UBR3: variants seen among roughly 807,000 people sequenced by gnomAD.
The protein encoded by UBR3 is ubiquitin protein ligase E3 component n-recognin 3.
In UBR3, 85 loss-of-function variants were observed where a neutral mutation model predicts 243.2. The observed-to-expected ratio is 0.35, with a 90% CI of 0.29 to 0.42. UBR3 has a LOEUF of 0.42. UBR3 is among the 10% of genes least tolerant of loss of function. The pLI is 1.00. For synonymous variants in UBR3, 748 were observed against 799.8 expected (o/e 0.94, Z 1.09); for missense variants, 1,686 against 2,300.8 (o/e 0.73, Z 5.47).
chr2:169,934,006 T>G (rs2105351189), intron 19 of UBR3, among the ~76,000 whole-genome samples: 1 of 152,360 alleles, frequency 6.6e-6, no homozygotes, highest in Non-Finnish European at 1.5e-5. Flanking sequence ...CCTCTTTTTC[T>G]GCTTTTCATA....
At chr2:169,899,261 T>C (rs2084718851) in intron 8 of UBR3, among the ~76,000 whole-genome samples, 1 of 152,194 alleles carries the variant, frequency 6.6e-6, no homozygotes, top group Admixed American at 6.5e-5. Context: ...ATTACAGGCA[T>C]GAGCCACCAT....
At chr2:170,011,640 T>G (rs11889648) in intron 29 of UBR3, among the ~76,000 whole-genome samples, 15,701 of 150,466 alleles carry the variant, frequency 0.1, 1,056 homozygotes, top group Admixed American at 0.18. Flanking sequence ...TTTTTTTTTT[T>G]TTTGTAAGAC....
At chr2:169,930,694 A>C (rs2086089860) in intron 18 of UBR3, among the ~76,000 whole-genome samples, 1 of 151,994 alleles carries the variant, frequency 6.6e-6, no homozygotes, top group Non-Finnish European at 1.5e-5. Context: ...CAGTTTTTTT[A>C]TCTTTGGATT....
intron 1 of UBR3, among the ~76,000 whole-genome samples, chr2:169,854,949 C>A (rs1237976676): frequency 6.6e-6 from 1 of 152,110 alleles, no homozygotes; most frequent in Non-Finnish European, 1.5e-5. Context: ...TTCATTAAAA[C>A]ATTGTCATTT....
chr2:170,048,847 T>C (rs768541184), intron 32 of UBR3, among the ~76,000 whole-genome samples: 1 of 152,182 alleles, frequency 6.6e-6, no homozygotes. Context: ...AAAAACAAAT[T>C]TGTGCTAGTT....
intron 30 of UBR3, among the ~76,000 whole-genome samples, chr2:170,018,034 ACT>A (rs2090295236): frequency 1.3e-5 from 2 of 152,038 alleles, no homozygotes; most frequent in South Asian, 4.2e-4. Flanking sequence ...AGCTCTTCTG[ACT>A]CTAATTCAGT....
chr2:169,882,367 GTAAATATATAT>G (rs2083921243), intron 5 of UBR3, among the ~76,000 whole-genome samples: 1 of 54,056 alleles, frequency 1.8e-5, no homozygotes, highest in South Asian at 8.6e-4. Context: ...TATTATATAT[GTAAATATATAT>G]TATATATAAA....
intron 11 of UBR3, among the ~76,000 whole-genome samples, chr2:169,915,166 G>T (rs549764811): frequency 6.6e-6 from 1 of 151,908 alleles, no homozygotes; most frequent in South Asian, 2.1e-4. Flanking sequence ...GTTCAGAATT[G>T]CATTTTGTTA....
intron 35 of UBR3, among the ~76,000 whole-genome samples, chr2:170,062,203 G>A (rs1051992999): frequency 1.3e-5 from 2 of 152,152 alleles, no homozygotes; most frequent in African/African-American, 4.8e-5. Context: ...ATAAAACTGT[G>A]GATTGATATG....
chr2:169,913,217 A>G lies in UBR3; in HGVS notation c.1780-843A>G, dbSNP rs575604931. 4.3e-4 allele frequency among the ~76,000 whole-genome samples: 66 copies of G among 152,226 alleles called. 1 individual carries two copies. The East Asian group carries it at 0.011, about 26-fold the overall frequency. On this transcript the variant is annotated intron_variant, in intron 10 of 38. Coordinates refer to ENST00000272793, the MANE Select transcript of UBR3 (RefSeq NM_172070.4). ...ATTACAGCCTCTCTAGTTGGTGTGA[A>G]TTGGTATCTCATTGTGGCTTTGATT... is the stretch of plus-strand genomic sequence containing the variant.
At chr2:170,079,233 T>C (rs1430451392) in intron 36 of UBR3, among the ~76,000 whole-genome samples, 1 of 152,230 alleles carries the variant, frequency 6.6e-6, no homozygotes, top group Non-Finnish European at 1.5e-5. Flanking sequence ...AATTTTTTTA[T>C]TCTTATAGCA....
At chr2:170,063,026 A>G (rs192410336) in intron 35 of UBR3, among the ~76,000 whole-genome samples, 7 of 152,342 alleles carry the variant, frequency 4.6e-5, no homozygotes, top group Admixed American at 4.6e-4. Flanking sequence ...AAAATATGAT[A>G]TGATTCAAAT....
chr2:169,881,461 G>A (rs2083821912), intron 5 of UBR3, among the ~76,000 whole-genome samples: 1 of 151,894 alleles, frequency 6.6e-6, no homozygotes, highest in Non-Finnish European at 1.5e-5. Context: ...TTATAGGTAT[G>A]AGCCACCGTG....
At chr2:169,831,816 G>A (rs2081950450) in intron 1 of UBR3, among the ~76,000 whole-genome samples, 1 of 152,080 alleles carries the variant, frequency 6.6e-6, no homozygotes, top group African/African-American at 2.4e-5. Context: ...TAAGTTTTTG[G>A]TATTTTAAAA....
In UBR3 at chr2:169,827,744, C is replaced by A; in HGVS notation, c.237C>A (p.Gly79=). 4.8e-6 allele frequency: 6 copies of A among 1,243,944 alleles called. No individual in the cohort carries two copies. Among genetic ancestry groups the A allele is most frequent in the Non-Finnish European group, 6.0e-6 (6 of 996,398 alleles). The allele number at this position is 1,243,944 out of a possible 1,614,324, so 77.1% of individuals were successfully genotyped here. A position where few individuals can be genotyped will look rare whatever the true frequency, so the allele number is the denominator to read the frequency against. The change falls in exon 1 of 39, where the codon GGC becomes GGA. Residue 79 remains glycine, a synonymous_variant. Transcript: ENST00000272793. ...AGGEDAAAAG[G]GGGPGAAEEE... is the part of the protein sequence containing the mutation. ...GCGAGGACGCGGCGGCGGCCGGAGG[C>A]GGGGGCGGTCCGGGGGCGGCCGAGG...
chr2:169,924,003 G>T lies in UBR3; in HGVS notation c.1932+9G>T. ...CTATGTTTTTGAGTAAGGTAAGACT[G>T]TCATTAAACAATTCTGTTCTTTTTT... On this transcript the variant is annotated intron_variant, in intron 12 of 38. Transcript: ENST00000272793. 5 of 1,535,724 alleles carry T rather than the reference G, an allele frequency of 3.3e-6. No individual in the cohort carries two copies. Among genetic ancestry groups the T allele is most frequent in the Non-Finnish European group, 4.4e-6 (5 of 1,142,514 alleles).
At chr2:170,013,533 G>A in intron 29 of UBR3, among the ~76,000 whole-genome samples, 1 of 152,048 alleles carries the variant, frequency 6.6e-6, no homozygotes, top group East Asian at 1.9e-4. Flanking sequence ...AAAGAATATT[G>A]CATAGGAGAT....
In UBR3 at chr2:169,867,129, T is replaced by C. The variant is rs183556259; in HGVS notation, c.546-5107T>C. 7.9e-5 allele frequency among the ~76,000 whole-genome samples: 12 copies of C among 152,346 alleles called. No individual in the cohort carries two copies. The East Asian group carries it at 2.3e-3, about 29-fold the overall frequency. Reference sequence around the variant, plus strand: ...TACAAAGTTGTATGTATGTTTGTTATATAAAATTCAAACATTATACGTAGA... The same window carrying C: ...TACAAAGTTGTATGTATGTTTGTTACATAAAATTCAAACATTATACGTAGA... On this transcript the variant is annotated intron_variant, in intron 1 of 38. Transcript: ENST00000272793.
chr2:170,039,026 G>T (rs774999590), intron 31 of UBR3, among the ~76,000 whole-genome samples: 4 of 152,118 alleles, frequency 2.6e-5, no homozygotes, highest in East Asian at 1.9e-4. Context: ...ACAGTCATCA[G>T]TGTATAGCTG....
Sources: allele counts gnomAD v4.1 joint callset (sites outside exome capture counted in the v4.1 genomes callset), GRCh38; gene constraint gnomAD v4.1.1; transcripts MANE v1.5; gene names NCBI Gene and HGNC (gene_info 2026-07-23, HGNC 2026-07-21).